Variants in ADCK1 observed in about 807,000 individuals in gnomAD.
ADCK1 encodes aarF domain-containing protein kinase 1.
A neutral mutation model predicts 52.3 loss-of-function variants in ADCK1; 41 were observed. That is an observed-to-expected ratio of 0.78 (90% confidence interval 0.61 to 1.02). The LOEUF (loss-of-function observed/expected upper bound fraction) is 1.02. Among genes scored for constraint, ADCK1 ranks in the 50% least tolerant of loss-of-function variants. The probability of loss-of-function intolerance (pLI) is 0.00; values close to 1 mark genes in which losing one functional copy is unlikely to be tolerated. For synonymous variants in ADCK1, 250 were observed against 274.6 expected, an observed-to-expected ratio of 0.91 and a Z score of 0.89; for missense variants, 658 against 679.5, an observed-to-expected ratio of 0.97 and a Z score of 0.35.
In ADCK1 at chr14:77,843,337, G is replaced by A. The variant is rs965518242; in HGVS notation, c.220-15739G>A. Among the ~76,000 whole-genome samples the A allele has an allele frequency of 9.8e-5, 15 of 152,338 alleles. 1 individual carries two copies. The South Asian group carries it at 2.9e-3, about 29-fold the overall frequency. On this transcript the variant is annotated intron_variant, in intron 3 of 10. Coordinates refer to ENST00000238561, the MANE Select transcript of ADCK1 (RefSeq NM_020421.4). The stretch of plus-strand genomic sequence containing the variant: ...GCAGGCTGGCTGCTGCATTCTGCTC[G>A]CGGCCTAACACTTGTTTTTCTTGAC...
chr14:77,891,014 G>T (rs2083272085), intron 5 of ADCK1, among the ~76,000 whole-genome samples: 1 of 152,172 alleles, frequency 6.6e-6, no homozygotes, highest in African/African-American at 2.4e-5. Context: ...TTTGTTTCGA[G>T]CCCAGTGGAA....
intron 6 of ADCK1, among the ~76,000 whole-genome samples, 153 bp downstream of exon 6, chr14:77,899,411 G>A (rs1387921607): frequency 2.6e-5 from 4 of 152,192 alleles, no homozygotes; most frequent in Non-Finnish European, 4.4e-5. Context: ...CTGGTGATGT[G>A]CATTAAATCA....
At chr14:77,907,740 A>T in intron 6 of ADCK1, 63 bp from the exon 7 acceptor site, 1 of 1,310,020 alleles carries the variant, frequency 7.6e-7, no homozygotes, top group Non-Finnish European at 1.1e-6. Flanking sequence ...GCTGTGCCAC[A>T]TTGTCATCCT....
At chr14:77,916,571 C>T (rs1247945535) in intron 7 of ADCK1, among the ~76,000 whole-genome samples, 5 of 152,312 alleles carry the variant, frequency 3.3e-5, no homozygotes, top group East Asian at 1.9e-4. Flanking sequence ...CTTCCCACCC[C>T]AGCCTCTGGA....
chr14:77,911,051 G>C (rs1481442151), intron 7 of ADCK1, among the ~76,000 whole-genome samples: 1 of 152,100 alleles, frequency 6.6e-6, no homozygotes, highest in Non-Finnish European at 1.5e-5. Context: ...GAGTTATTTG[G>C]GGAAAAACAA....
At chr14:77,821,710 A>G (rs563266727) in intron 2 of ADCK1, among the ~76,000 whole-genome samples, 2 of 152,056 alleles carry the variant, frequency 1.3e-5, no homozygotes, top group South Asian at 4.2e-4. Flanking sequence ...GCGAAATCCC[A>G]TCTCTACTAA....
chr14:77,806,222 C>T (rs1789480640), intron 1 of ADCK1, among the ~76,000 whole-genome samples: 1 of 151,800 alleles, frequency 6.6e-6, no homozygotes, highest in Non-Finnish European at 1.5e-5. Flanking sequence ...ACTCGCTGCA[C>T]CTGGCCTTGT....
chr14:77,800,970 C>T (rs1177954271), intron 1 of ADCK1, among the ~76,000 whole-genome samples: 1 of 152,144 alleles, frequency 6.6e-6, no homozygotes, highest in Non-Finnish European at 1.5e-5. Flanking sequence ...TGGCTGATGC[C>T]TGTAATCCCA....
intron 3 of ADCK1, among the ~76,000 whole-genome samples, chr14:77,858,771 C>G (rs368724305): frequency 5.9e-5 from 9 of 152,022 alleles, no homozygotes; most frequent in Non-Finnish European, 8.8e-5. Flanking sequence ...TGGTTAAAAG[C>G]CTTGAATGCT....
At chr14:77,882,347 C>T (rs2083046638) in intron 4 of ADCK1, among the ~76,000 whole-genome samples, 1 of 152,184 alleles carries the variant, frequency 6.6e-6, no homozygotes, top group Non-Finnish European at 1.5e-5. Context: ...CCCCAGGTGC[C>T]CTAAGTGGGA....
chr14:77,925,710 G>A, intron 8 of ADCK1, 54 bp from the exon 9 acceptor site: 4 of 1,578,186 alleles, frequency 2.5e-6, no homozygotes, highest in Non-Finnish European at 3.5e-6. Context: ...CAGGGACTTG[G>A]GCCTTTGGTG....
intron 7 of ADCK1, among the ~76,000 whole-genome samples, chr14:77,917,464 G>A (rs2083951330): frequency 6.6e-6 from 1 of 151,866 alleles, no homozygotes; most frequent in Non-Finnish European, 1.5e-5. Context: ...CTTGAGGGTG[G>A]GAATAAATTA....
chr14:77,891,144 C>T (rs902474049), intron 5 of ADCK1, among the ~76,000 whole-genome samples: 1 of 152,088 alleles, frequency 6.6e-6, no homozygotes, highest in African/African-American at 2.4e-5. Flanking sequence ...GAGGCAAGAC[C>T]ATCTGCTGAG....
intron 4 of ADCK1, among the ~76,000 whole-genome samples, chr14:77,865,254 A>G (rs2082638775): frequency 1.3e-5 from 2 of 152,174 alleles, no homozygotes; most frequent in Non-Finnish European, 2.9e-5. Context: ...TGAGGCAGGC[A>G]GATCACCTGA....
chr14:77,865,894 ATTCT>A, intron 4 of ADCK1, among the ~76,000 whole-genome samples: 1 of 152,322 alleles, frequency 6.6e-6, no homozygotes, highest in East Asian at 1.9e-4. Context: ...AACGTTAATA[ATTCT>A]TTCTGTGTAT....
intron 10 of ADCK1, among the ~76,000 whole-genome samples, chr14:77,932,117 C>T (rs1049178677): frequency 4.0e-5 from 6 of 151,094 alleles, no homozygotes; most frequent in African/African-American, 1.5e-4. Flanking sequence ...GGTGTGATCT[C>T]GGCTCACTGC....
At chr14:77,851,426 C>A (rs971028891) in intron 3 of ADCK1, among the ~76,000 whole-genome samples, 4 of 152,044 alleles carry the variant, frequency 2.6e-5, no homozygotes, top group Admixed American at 6.6e-5. Context: ...ATATTTGGGT[C>A]TTTTTAAGAG....
chr14:77,929,084 G>A (rs1185104125), intron 9 of ADCK1, among the ~76,000 whole-genome samples: 1 of 152,162 alleles, frequency 6.6e-6, no homozygotes. Flanking sequence ...GCTCACTTTA[G>A]ACAACCCAGA....
At chr14:77,893,197 C>G (rs1016929928) in intron 5 of ADCK1, among the ~76,000 whole-genome samples, 3 of 152,214 alleles carry the variant, frequency 2.0e-5, no homozygotes, top group Non-Finnish European at 4.4e-5. Context: ...CAGAGCCAGA[C>G]TAATTGGGCC....
Sources: allele counts gnomAD v4.1 joint callset (sites outside exome capture counted in the v4.1 genomes callset), GRCh38; gene constraint gnomAD v4.1.1; transcripts MANE v1.5; gene names NCBI Gene and HGNC (gene_info 2026-07-23, HGNC 2026-07-21).